Variants in SLMAP observed in about 807,000 individuals in gnomAD.
The protein encoded by SLMAP is sarcolemma associated protein.
A neutral mutation model predicts 128.8 loss-of-function variants in SLMAP; 44 were observed. That is an observed-to-expected ratio of 0.34 (90% CI 0.27 to 0.44). SLMAP has a LOEUF of 0.44. Ranked by LOEUF, SLMAP falls within the 20% of genes least tolerant of loss-of-function variation. SLMAP has a pLI of 1.00. For missense variants in SLMAP, 787 were observed against 985.3 expected (o/e 0.80, Z 2.69); for synonymous variants, 327 against 348.8 (o/e 0.94, Z 0.70).
At chr3:57,765,906 A>G (rs1462760499) in intron 2 of SLMAP, among the ~76,000 whole-genome samples, 2 of 152,038 alleles carry the variant, frequency 1.3e-5, no homozygotes, top group Admixed American at 1.3e-4. Flanking sequence ...CAGTGTATAT[A>G]CTTAAAGCAT....
At chr3:57,834,898 G>A (rs935869207) in intron 3 of SLMAP, among the ~76,000 whole-genome samples, 1 of 151,970 alleles carries the variant, frequency 6.6e-6, no homozygotes, top group Non-Finnish European at 1.5e-5. Context: ...GAGGCAGGTG[G>A]ATTGCTTGAG....
intron 6 of SLMAP, among the ~76,000 whole-genome samples, chr3:57,854,056 A>G (rs2094646654): frequency 1.2e-5 from 1 of 82,376 alleles, no homozygotes; most frequent in Non-Finnish European, 2.4e-5. Flanking sequence ...TACACATAAC[A>G]TATATAACAC....
chr3:57,909,265 G>A lies in SLMAP; in HGVS notation c.1699+115G>A, dbSNP rs574557144. ...TGCCTGCAATCCCAGCATTTGGGAG[G>A]CCGAGAAGGGTGGATCTCCTGAGGT... On this transcript the variant is annotated intron_variant, in intron 19 of 24. Coordinates refer to ENST00000671191, the MANE Select transcript of SLMAP (RefSeq NM_001377540.1). 3.3e-5 allele frequency: 23 copies of A among 705,326 alleles called. No individual in the cohort carries two copies. The African/African-American group carries it at 4.2e-4, about 13-fold the overall frequency. 43.7% of individuals were successfully genotyped at this position (705,326 alleles called of 1,614,324 possible).
At position 57,858,255 on chromosome 3, in the gene SLMAP, A is replaced by T. The variant is rs2153594972; in HGVS notation, c.687+96A>T. ...ATTTTGAGTATATGCTAAAAACTTC[A>T]TACATTTCCACAATTCTTTTAAATC... On this transcript the variant is annotated intron_variant, in intron 8 of 24. Coordinates refer to ENST00000671191, the MANE Select transcript of SLMAP (RefSeq NM_001377540.1). 6.8e-6 allele frequency: 5 copies of T among 736,354 alleles called. No homozygotes were observed. The East Asian group carries it at 1.2e-4, about 18-fold the overall frequency. 45.6% of individuals were successfully genotyped at this position (736,354 alleles called of 1,614,324 possible).
intron 2 of SLMAP, among the ~76,000 whole-genome samples, chr3:57,813,188 C>T (rs551049251): frequency 1.3e-4 from 19 of 151,774 alleles, no homozygotes; most frequent in African/African-American, 3.6e-4. Context: ...CTCCACCTCC[C>T]GAGTTCAGGT....
chr3:57,794,429 T>A (rs1380372422), intron 2 of SLMAP, among the ~76,000 whole-genome samples: 2 of 152,254 alleles, frequency 1.3e-5, no homozygotes, highest in African/African-American at 4.8e-5. Flanking sequence ...TATGTTTTTT[T>A]ATGAATTTCT....
intron 2 of SLMAP, among the ~76,000 whole-genome samples, chr3:57,780,298 C>T (rs908281598): frequency 3.3e-5 from 5 of 152,074 alleles, no homozygotes; most frequent in African/African-American, 1.2e-4. Context: ...AGGTGCACAC[C>T]ATCACACCCA....
intron 6 of SLMAP, among the ~76,000 whole-genome samples, chr3:57,856,009 C>G (rs1185403499): frequency 6.6e-6 from 1 of 151,760 alleles, no homozygotes; most frequent in Non-Finnish European, 1.5e-5. Flanking sequence ...CGCCATTGCA[C>G]TCCAGCCTGG....
intron 2 of SLMAP, among the ~76,000 whole-genome samples, chr3:57,762,710 G>GTTTTTTTTTTTTTTTTTTTTTTTTTT: frequency 9.3e-6 from 1 of 107,758 alleles, no homozygotes; most frequent in Non-Finnish European, 1.9e-5. Flanking sequence ...TAGTAGAATG[G>GTTTTTTTTTTTTTTTTTTTTTTTTTT]TTTTTTTTTT....
rs114016629 is a variant in SLMAP, at chr3:57,759,273, G to T, written c.198+1424G>T. On this transcript the variant is annotated intron_variant, in intron 2 of 24. Coordinates refer to ENST00000671191, the MANE Select transcript of SLMAP (RefSeq NM_001377540.1). ...GCCTAAAATACTTCATAGATTACTC[G>T]TAATCCTTTTTTTTTTTTTTTGAGA... Among the ~76,000 whole-genome samples the T allele has an allele frequency of 1.3e-3, 201 of 150,716 alleles. 1 individual carries two copies. The highest frequency in any genetic ancestry group is 4.3e-3 in the African/African-American group (174 of 40,714).
At chr3:57,835,796 A>G (rs2093611371) in intron 3 of SLMAP, among the ~76,000 whole-genome samples, 1 of 152,218 alleles carries the variant, frequency 6.6e-6, no homozygotes, top group South Asian at 2.1e-4. Flanking sequence ...TATAAACAAG[A>G]TAAATCTCAA....
intron 21 of SLMAP, among the ~76,000 whole-genome samples, chr3:57,915,842 A>AT: frequency 1.3e-5 from 2 of 152,154 alleles, no homozygotes; most frequent in African/African-American, 4.8e-5. Flanking sequence ...TGTAAGTCAG[A>AT]TTTTTTTTAA....
chr3:57,892,783 A>AACACACAC (rs141561615), intron 15 of SLMAP, among the ~76,000 whole-genome samples: 1,988 of 143,886 alleles, frequency 0.014, 19 homozygotes, highest in Non-Finnish European at 0.023. Flanking sequence ...TGTCTCTTAA[A>AACACACAC]ACACACACAC....
chr3:57,847,861 C>T (rs1326033102), intron 5 of SLMAP, among the ~76,000 whole-genome samples: 1 of 152,008 alleles, frequency 6.6e-6, no homozygotes, highest in Non-Finnish European at 1.5e-5. Flanking sequence ...TGTTTTTCTT[C>T]CATTTGAATG....
intron 2 of SLMAP, among the ~76,000 whole-genome samples, chr3:57,779,571 C>T (rs1258293128): frequency 6.6e-6 from 1 of 150,648 alleles, no homozygotes; most frequent in East Asian, 1.9e-4. Flanking sequence ...ACTGATATAT[C>T]TGTTTTGCTA....
intron 10 of SLMAP, among the ~76,000 whole-genome samples, chr3:57,864,195 G>C (rs2095222462): frequency 6.6e-6 from 1 of 152,052 alleles, no homozygotes; most frequent in African/African-American, 2.4e-5. Flanking sequence ...ATCATCTGAG[G>C]TCAGGCGTTC....
At chr3:57,854,115 A>G (rs73088382) in intron 6 of SLMAP, among the ~76,000 whole-genome samples, 16,652 of 145,444 alleles carry the variant, frequency 0.11, 1,068 homozygotes, top group South Asian at 0.15. Flanking sequence ...TTGGATATAT[A>G]TATCTTTGGA....
chr3:57,865,027 G>T (rs1054606765), intron 12 of SLMAP, among the ~76,000 whole-genome samples, 170 bp downstream of exon 12: 2 of 151,844 alleles, frequency 1.3e-5, no homozygotes, highest in South Asian at 4.2e-4. Context: ...GCCACCAGTG[G>T]GCACCATTGT....
intron 13 of SLMAP, among the ~76,000 whole-genome samples, chr3:57,867,200 A>G (rs1399193120): frequency 1.3e-5 from 2 of 152,082 alleles, no homozygotes; most frequent in African/African-American, 4.8e-5. Flanking sequence ...ACAAAACAAA[A>G]CAGTCAATCA....
Sources: allele counts gnomAD v4.1 joint callset (sites outside exome capture counted in the v4.1 genomes callset), GRCh38; gene constraint gnomAD v4.1.1; transcripts MANE v1.5; gene names NCBI Gene and HGNC (gene_info 2026-07-23, HGNC 2026-07-21).